The following HACL2 variants were observed in gnomAD, a reference collection of about 807,000 sequenced individuals.
The protein encoded by HACL2 is 2-hydroxyacyl-CoA lyase 1 like.
At chr19:15,125,164 A>C in the HACL2 span, 4 of 1,236,534 alleles carry the variant, frequency 3.2e-6, no homozygotes, top group Admixed American at 2.9e-5. Context: ...CAGGGCCACG[A>C]CCCTTGCCGC....
the HACL2 span, chr19:15,122,613 AAAG>A: frequency 8.3e-7 from 1 of 1,201,484 alleles, no homozygotes. The surrounding 1 kb of genome is among the most constrained non-coding windows in gnomAD (Gnocchi z 4.0). Context: ...CATGTGAATC[AAAG>A]GAGGATGGGT....
At chr19:15,120,210 T>TGACA in the HACL2 span, 3 of 590,912 alleles carry the variant, frequency 5.1e-6, no homozygotes, top group Non-Finnish European at 9.1e-6. Flanking sequence ...GGTGGATGAG[T>TGACA]GACACCTCAG....
At chr19:15,120,293 C>A in the HACL2 span, among the ~76,000 whole-genome samples, 3 of 152,160 alleles carry the variant, frequency 2.0e-5, no homozygotes, top group African/African-American at 7.2e-5. Flanking sequence ...TCCACCCCAA[C>A]TCCACGTAGC....
the HACL2 span, chr19:15,124,248 A>G: frequency 6.5e-6 from 1 of 154,868 alleles, no homozygotes; most frequent in Admixed American, 6.3e-5. Context: ...ACTCCTGGCT[A>G]GCAGAGGAAG....
the HACL2 span, chr19:15,117,578 G>A: frequency 1.7e-4 from 42 of 248,652 alleles, no homozygotes; most frequent in South Asian, 1.0e-3. Flanking sequence ...TCAGGAGGCT[G>A]AGGTGGGAGG....
chr19:15,119,604 G>T, the HACL2 span: 1 of 1,125,656 alleles, frequency 8.9e-7, no homozygotes, highest in South Asian at 1.5e-5. Flanking sequence ...AGGATAGAGT[G>T]TAATGGCATG....
chr19:15,115,685 A>G, the HACL2 span: 2 of 1,608,968 alleles, frequency 1.2e-6, no homozygotes, highest in Non-Finnish European at 1.7e-6. Flanking sequence ...CAGGAAGATG[A>G]TGAAGGCAGG....
the HACL2 span, chr19:15,122,879 A>T: frequency 6.2e-7 from 1 of 1,611,898 alleles, no homozygotes; most frequent in East Asian, 2.2e-5. The surrounding 1 kb of genome is among the most constrained non-coding windows in gnomAD (Gnocchi z 4.0). Context: ...CAGCATCACC[A>T]TCCTCCACCT....
the HACL2 span, among the ~76,000 whole-genome samples, chr19:15,122,277 A>G: frequency 1.3e-5 from 2 of 152,002 alleles, no homozygotes; most frequent in Non-Finnish European, 1.5e-5. This position sits in a 1 kb window ranked among gnomAD's most constrained non-coding sequence, Gnocchi z 4.0. Context: ...TCCTCTGTAA[A>G]TGTAAGAATG....
the HACL2 span, chr19:15,117,753 G>T: frequency 1.1e-6 from 1 of 945,174 alleles, no homozygotes; most frequent in Non-Finnish European, 1.6e-6. Flanking sequence ...GTCTCTGGTT[G>T]ACTGGCTACC....
chr19:15,124,145 A>G, the HACL2 span: 2 of 157,984 alleles, frequency 1.3e-5, no homozygotes, highest in African/African-American at 4.8e-5. Context: ...GCTGGCACAG[A>G]CTGTGCCGAG....
chr19:15,120,771 C>A, the HACL2 span, among the ~76,000 whole-genome samples: 1 of 152,158 alleles, frequency 6.6e-6, no homozygotes, highest in Admixed American at 6.5e-5. Flanking sequence ...CAAGACAGCA[C>A]AGAAGCAGCC....
the HACL2 span, chr19:15,123,374 C>G: frequency 6.2e-7 from 1 of 1,612,882 alleles, no homozygotes; most frequent in South Asian, 1.1e-5. The surrounding 1 kb of genome is among the most constrained non-coding windows in gnomAD (Gnocchi z 5.1). Context: ...AATGCCCTCA[C>G]CGGACAGGCG....
chr19:15,118,009 A>T, the HACL2 span: 6 of 1,614,106 alleles, frequency 3.7e-6, no homozygotes, highest in Middle Eastern at 1.6e-4. Flanking sequence ...GAAGTCACAC[A>T]CAGTTCCTGG....
At chr19:15,122,299 C>T in the HACL2 span, among the ~76,000 whole-genome samples, 1 of 152,054 alleles carries the variant, frequency 6.6e-6, no homozygotes, top group African/African-American at 2.4e-5. This position sits in a 1 kb window ranked among gnomAD's most constrained non-coding sequence, Gnocchi z 4.0. Flanking sequence ...ACCTCCCTTC[C>T]GAGGTTCAAG....
At chr19:15,123,339 C>A in the HACL2 span, 3 of 1,607,338 alleles carry the variant, frequency 1.9e-6, no homozygotes, top group South Asian at 3.3e-5. This position sits in a 1 kb window ranked among gnomAD's most constrained non-coding sequence, Gnocchi z 5.1. Context: ...AGCCCACAGT[C>A]CAACCAGTCC....
the HACL2 span, chr19:15,120,125 A>G: frequency 3.2e-6 from 4 of 1,234,126 alleles, no homozygotes; most frequent in Non-Finnish European, 4.6e-6. Flanking sequence ...AGAATTAACT[A>G]ACTACAAGGA....
chr19:15,115,440 G>A, the HACL2 span: 1 of 1,612,524 alleles, frequency 6.2e-7, no homozygotes, highest in Non-Finnish European at 8.5e-7. Context: ...TCTAAAAGAA[G>A]AGATTAAGTC....
At chr19:15,116,758 C>T in the HACL2 span, 3 of 527,734 alleles carry the variant, frequency 5.7e-6, no homozygotes, top group African/African-American at 5.8e-5. Flanking sequence ...TTAAGGAGCA[C>T]AAGGCAGGTG....
Sources: allele counts gnomAD v4.1 joint callset (sites outside exome capture counted in the v4.1 genomes callset), GRCh38; gene constraint gnomAD v4.1.1; non-coding constraint Gnocchi (gnomAD v3.1); transcripts MANE v1.5; gene names NCBI Gene and HGNC (gene_info 2026-07-23, HGNC 2026-07-21).